Variants in PDZD2 observed in about 807,000 individuals in gnomAD.
PDZD2 encodes the protein PDZ domain-containing protein 2.
Under a neutral mutation model 220.7 loss-of-function variants are expected in PDZD2, and 90 were observed. The observed-to-expected ratio is 0.41, with a 90% CI of 0.34 to 0.49. The LOEUF is 0.49. PDZD2 is among the 20% of genes least tolerant of loss of function. The pLI, the probability that PDZD2 is intolerant of heterozygous loss-of-function variation, is 0.28. For synonymous variants in PDZD2, 1,375 were observed against 1,450.5 expected, an observed-to-expected ratio of 0.95 and a Z score of 1.18; for missense variants, 3,174 against 3,608.5, an observed-to-expected ratio of 0.88 and a Z score of 3.08.
chr5:32,068,202 T>G (rs1232681409), intron 14 of PDZD2, among the ~76,000 whole-genome samples: 1 of 152,040 alleles, frequency 6.6e-6, no homozygotes, highest in African/African-American at 2.4e-5. Context: ...AGATCCTAAT[T>G]GAAGGTTTGG....
At chr5:32,078,271 A>C (rs559038209) in intron 19 of PDZD2, among the ~76,000 whole-genome samples, 1 of 152,356 alleles carries the variant, frequency 6.6e-6, no homozygotes, top group Admixed American at 6.5e-5. Context: ...GTGAAATGAT[A>C]CTGAAAAACC....
chr5:32,075,830 A>C (rs1741232984), intron 18 of PDZD2, among the ~76,000 whole-genome samples: 2 of 152,200 alleles, frequency 1.3e-5, no homozygotes, highest in African/African-American at 2.4e-5. Context: ...GGAAAATGCT[A>C]AGTCATAAAA....
intron 6 of PDZD2, among the ~76,000 whole-genome samples, chr5:32,019,754 A>G (rs1344087258): frequency 6.6e-6 from 1 of 152,170 alleles, no homozygotes; most frequent in Admixed American, 6.5e-5. Context: ...TCAGATTTCA[A>G]TGAAAATAAA....
At chr5:32,041,488 G>A (rs1265975487) in intron 7 of PDZD2, among the ~76,000 whole-genome samples, 1 of 152,130 alleles carries the variant, frequency 6.6e-6, no homozygotes, top group Non-Finnish European at 1.5e-5. Flanking sequence ...ATTTTGTTCT[G>A]TACTAAGAAA....
At chr5:31,938,485 C>T (rs935284323) in intron 2 of PDZD2, among the ~76,000 whole-genome samples, 3 of 152,140 alleles carry the variant, frequency 2.0e-5, no homozygotes, top group African/African-American at 7.2e-5. Flanking sequence ...GGTTTATGAA[C>T]CTGCTGGAAA....
chr5:32,013,833 G>A (rs1361459084), intron 6 of PDZD2, among the ~76,000 whole-genome samples: 1 of 152,050 alleles, frequency 6.6e-6, no homozygotes, highest in Non-Finnish European at 1.5e-5. Flanking sequence ...GGAGGAGGTG[G>A]AACCGGGCTT....
chr5:31,728,726 T>C (rs1297562954), intron 1 of PDZD2, among the ~76,000 whole-genome samples: 1 of 152,242 alleles, frequency 6.6e-6, no homozygotes, highest in Non-Finnish European at 1.5e-5. Context: ...GTTGGGAGGA[T>C]TGAAATGATG....
chr5:31,887,820 G>A (rs1411503948), intron 2 of PDZD2, among the ~76,000 whole-genome samples: 5 of 151,580 alleles, frequency 3.3e-5, no homozygotes, highest in South Asian at 4.2e-4. Flanking sequence ...TTTTATGTGC[G>A]GGGGAGGGGG....
At chr5:32,023,312 C>T (rs1334070429) in intron 6 of PDZD2, among the ~76,000 whole-genome samples, 1 of 152,140 alleles carries the variant, frequency 6.6e-6, no homozygotes, top group South Asian at 2.1e-4. Context: ...AGGTCCCCAC[C>T]GTCTCCCCTC....
At chr5:31,920,393 C>A (rs913568346) in intron 2 of PDZD2, among the ~76,000 whole-genome samples, 2 of 4,038 alleles carry the variant, frequency 5.0e-4, no homozygotes, top group Non-Finnish European at 6.6e-4. Flanking sequence ...GATCAACGCC[C>A]CCCCCCCCCA....
intron 1 of PDZD2, among the ~76,000 whole-genome samples, chr5:31,662,172 G>A (rs941890735): frequency 3.3e-5 from 5 of 152,100 alleles, no homozygotes; most frequent in East Asian, 1.9e-4. Context: ...TTAGCTGGGC[G>A]TGGTGGTGCA....
chr5:31,788,326 G>T (rs545361617), intron 1 of PDZD2, among the ~76,000 whole-genome samples: 21 of 151,718 alleles, frequency 1.4e-4, no homozygotes, highest in Non-Finnish European at 2.5e-4. Flanking sequence ...AGCTGATATC[G>T]TGCCATTGTA....
At chr5:31,961,353 G>A (rs116429290) in intron 2 of PDZD2, among the ~76,000 whole-genome samples, 1,963 of 120,738 alleles carry the variant, frequency 0.016, 58 homozygotes, top group African/African-American at 0.06. Context: ...GAAACATGGC[G>A]AAACTCCGTC....
intron 1 of PDZD2, among the ~76,000 whole-genome samples, chr5:31,735,685 C>G (rs62350665): frequency 1.3e-5 from 2 of 151,702 alleles, no homozygotes; most frequent in Non-Finnish European, 2.9e-5. Flanking sequence ...AGTGGCTCAC[C>G]CCTGTAATCC....
In PDZD2 at chr5:31,956,208, G is replaced by A. The variant is rs368632216; in HGVS notation, c.477-26947G>A. 2.2e-4 allele frequency among the ~76,000 whole-genome samples: 34 copies of A among 152,238 alleles called. 2 individuals carry two copies. Among genetic ancestry groups the A allele is most frequent in the African/African-American group, 8.2e-4 (34 of 41,534 alleles). On this transcript the variant is annotated intron_variant, in intron 2 of 24. Coordinates refer to ENST00000438447, the MANE Select transcript of PDZD2 (RefSeq NM_178140.4). The stretch of plus-strand genomic sequence containing the variant: ...CAGAATGATCTATCCATTGTTCAAA[G>A]TGGGGTATTGAAGTCTCCTACTGTA...
intron 2 of PDZD2, among the ~76,000 whole-genome samples, chr5:31,810,454 A>T (rs924105017): frequency 6.6e-6 from 1 of 152,066 alleles, no homozygotes; most frequent in Non-Finnish European, 1.5e-5. Flanking sequence ...TTTAGTAGAG[A>T]CGGGGTTTCA....
intron 2 of PDZD2, among the ~76,000 whole-genome samples, chr5:31,875,326 G>A (rs902469860): frequency 2.0e-5 from 3 of 152,094 alleles, no homozygotes; most frequent in African/African-American, 4.8e-5. Flanking sequence ...GCTTATGCCT[G>A]TAATCCCAGC....
chr5:32,102,459 G>A (rs373458921), intron 24 of PDZD2, among the ~76,000 whole-genome samples: 1 of 151,334 alleles, frequency 6.6e-6, no homozygotes, highest in South Asian at 2.1e-4. Context: ...CCCAACGCCC[G>A]GAGCAAGCAG....
chr5:31,893,410 A>C (rs1263472931), intron 2 of PDZD2, among the ~76,000 whole-genome samples: 1 of 152,162 alleles, frequency 6.6e-6, no homozygotes, highest in African/African-American at 2.4e-5. Context: ...GTCTCTACAA[A>C]AAACAAAAAT....
Sources: gnomAD v4.1 joint callset for allele counts (sites outside exome capture counted in the v4.1 genomes callset) on GRCh38, gnomAD v4.1.1 for gene constraint, MANE v1.5 for transcripts, NCBI Gene and HGNC (gene_info 2026-07-23, HGNC 2026-07-21) for gene names.